The following SLC24A2 variants were observed in gnomAD, a reference collection of about 807,000 sequenced individuals.
The protein encoded by SLC24A2 is solute carrier family 24 member 2.
In SLC24A2, 36 loss-of-function variants were observed where a neutral mutation model predicts 62.0. The ratio of observed to expected loss-of-function variants is 0.58; its 90% CI spans 0.44 to 0.77. The LOEUF is 0.77. SLC24A2 is among the 30% of genes least tolerant of loss of function. The pLI, the probability that SLC24A2 is intolerant of heterozygous loss-of-function variation, is 0.00. For synonymous variants in SLC24A2, 358 were observed against 294.0 expected (o/e 1.22, Z -2.23); for missense variants, 846 against 817.9 (o/e 1.03, Z -0.42).
chr9:19,709,875 A>C (rs960594329), intron 2 of SLC24A2, among the ~76,000 whole-genome samples: 3 of 152,090 alleles, frequency 2.0e-5, no homozygotes, highest in Non-Finnish European at 4.4e-5. Context: ...CATTGTGCAC[A>C]TGTACCCTAA....
intron 2 of SLC24A2, among the ~76,000 whole-genome samples, chr9:19,769,796 C>G (rs1177466619): frequency 6.6e-6 from 1 of 152,068 alleles, no homozygotes; most frequent in Non-Finnish European, 1.5e-5. Context: ...AAGATGGCAC[C>G]TTTCTTTTTG....
At chr9:19,660,362 C>A (rs1160841561) in intron 2 of SLC24A2, among the ~76,000 whole-genome samples, 1 of 152,168 alleles carries the variant, frequency 6.6e-6, no homozygotes, top group Non-Finnish European at 1.5e-5. Context: ...GTACTTTAAT[C>A]CTTCTTTTAA....
chr9:20,074,640 GA>G, the SLC24A2 span, among the ~76,000 whole-genome samples: 1 of 111,902 alleles, frequency 8.9e-6, no homozygotes, highest in African/African-American at 3.3e-5. Flanking sequence ...GGAGGGACGG[GA>G]AGGGGGTGAG....
At chr9:19,667,317 C>T (rs917101981) in intron 2 of SLC24A2, among the ~76,000 whole-genome samples, 4 of 152,128 alleles carry the variant, frequency 2.6e-5, no homozygotes, top group Non-Finnish European at 5.9e-5. Context: ...TCCTTTCTAC[C>T]TTCCCACCCA....
At chr9:20,255,775 G>A in the SLC24A2 span, among the ~76,000 whole-genome samples, 1 of 152,144 alleles carries the variant, frequency 6.6e-6, no homozygotes, top group African/African-American at 2.4e-5. Flanking sequence ...AACACATTCA[G>A]GTTAAAAGGA....
At chr9:19,731,300 G>T (rs2118709034) in intron 2 of SLC24A2, among the ~76,000 whole-genome samples, 1 of 152,242 alleles carries the variant, frequency 6.6e-6, no homozygotes, top group African/African-American at 2.4e-5. Context: ...CATTTCTTGT[G>T]AGGATTATAC....
At chr9:20,168,321 A>T in the SLC24A2 span, among the ~76,000 whole-genome samples, 3 of 152,140 alleles carry the variant, frequency 2.0e-5, no homozygotes, top group South Asian at 4.1e-4. Context: ...TAAAAAGCTT[A>T]AAAAAGTATG....
chr9:19,813,028 CAGTTT>C, the SLC24A2 span, among the ~76,000 whole-genome samples: 1 of 152,186 alleles, frequency 6.6e-6, no homozygotes, highest in South Asian at 2.1e-4. Context: ...GTCTCCTGCT[CAGTTT>C]AGTTTCAGAA....
intron 8 of SLC24A2, 119 bp downstream of exon 8, chr9:19,550,016 ATG>A (rs1393954288): frequency 1.1e-6 from 1 of 936,392 alleles, no homozygotes; most frequent in African/African-American, 1.6e-5. Flanking sequence ...TATGGGGTAT[ATG>A]TGAGATTTTG....
the SLC24A2 span, among the ~76,000 whole-genome samples, chr9:20,001,178 T>A: frequency 6.6e-6 from 1 of 152,240 alleles, no homozygotes; most frequent in Non-Finnish European, 1.5e-5. Context: ...GCATTGTCCC[T>A]GCTGCGCCAC....
the SLC24A2 span, among the ~76,000 whole-genome samples, chr9:20,218,659 G>C: frequency 1.3e-5 from 2 of 152,142 alleles, 1 homozygote; most frequent in Non-Finnish European, 2.9e-5. Context: ...GAATATGGTA[G>C]TCATTTATTC....
chr9:20,276,594 C>T, the SLC24A2 span, among the ~76,000 whole-genome samples: 10 of 152,218 alleles, frequency 6.6e-5, no homozygotes, highest in Non-Finnish European at 1.3e-4. Flanking sequence ...CTCACTGCTC[C>T]ACTGGGGAGT....
chr9:20,216,983 G>T, the SLC24A2 span, among the ~76,000 whole-genome samples: 6 of 152,246 alleles, frequency 3.9e-5, no homozygotes, highest in South Asian at 2.1e-4. Context: ...TTAAAAGCTG[G>T]TTAGAACTGA....
At chr9:19,768,892 T>C (rs1220031589) in intron 2 of SLC24A2, among the ~76,000 whole-genome samples, 2 of 152,182 alleles carry the variant, frequency 1.3e-5, no homozygotes, top group African/African-American at 4.8e-5. Context: ...GTTTTCCTCA[T>C]GCTTCAATGC....
At chr9:19,769,676 G>A (rs1034007268) in intron 2 of SLC24A2, among the ~76,000 whole-genome samples, 3 of 152,112 alleles carry the variant, frequency 2.0e-5, no homozygotes, top group African/African-American at 2.4e-5. Context: ...TGCATCCTAC[G>A]CTGTGCATTT....
rs377522340 is a variant in SLC24A2, at chr9:19,785,948, C to T, written c.919G>A (p.Ala307Thr). 1.2e-6 allele frequency: 2 copies of T among 1,614,086 alleles called. No homozygotes were observed. Among genetic ancestry groups the T allele is most frequent in the Non-Finnish European group, 1.7e-6 (2 of 1,180,028 alleles). Residue 307 changes from alanine to threonine, a missense_variant, in exon 2 of 11, where the codon GCC becomes ACC. By Grantham distance (58) the Ala-to-Thr change is moderately conservative (BLOSUM62 0). Transcript: ENST00000341998. ...CCACCACCACCAACCTTTGCTTGGG[C>T]TTCTGGTGCTGTCACCTTGACGACC... ...NKVVKVTAPE[A>T]QAKPSAARDK...
chr9:19,989,017 G>C, the SLC24A2 span, among the ~76,000 whole-genome samples: 87 of 152,226 alleles, frequency 5.7e-4, no homozygotes, highest in African/African-American at 2.0e-3. Flanking sequence ...AATAAAAGAT[G>C]TCCTACTTAC....
intron 2 of SLC24A2, among the ~76,000 whole-genome samples, chr9:19,683,009 G>C (rs1819767000): frequency 1.3e-5 from 2 of 152,094 alleles, no homozygotes; most frequent in Admixed American, 1.3e-4. Flanking sequence ...TATGAGTGCA[G>C]TAAAGCTAGG....
At chr9:19,788,123 C>G (rs1823232204) in intron 1 of SLC24A2, among the ~76,000 whole-genome samples, 1 of 152,156 alleles carries the variant, frequency 6.6e-6, no homozygotes, top group Non-Finnish European at 1.5e-5. Context: ...AAACACACGC[C>G]ACTTAAATAC....
Sources: allele counts gnomAD v4.1 joint callset (sites outside exome capture counted in the v4.1 genomes callset), GRCh38; gene constraint gnomAD v4.1.1; transcripts MANE v1.5; gene names NCBI Gene and HGNC (gene_info 2026-07-23, HGNC 2026-07-21).